DRC9: variants seen among roughly 807,000 people sequenced by gnomAD.
DRC9 encodes the protein dynein regulatory complex protein 9.
At chr3:197,896,134 G>A in the DRC9 span, among the ~76,000 whole-genome samples, 1 of 151,840 alleles carries the variant, frequency 6.6e-6, no homozygotes, top group African/African-American at 2.4e-5. Flanking sequence ...CCTGAGGTTG[G>A]GAGTTTGAGA....
chr3:197,921,343 G>A, the DRC9 span, among the ~76,000 whole-genome samples: 5 of 101,122 alleles, frequency 4.9e-5, 1 homozygote, highest in South Asian at 1.0e-3. Flanking sequence ...CTTCTTGGTC[G>A]ACCCGACTAC....
chr3:197,922,159 G>A, the DRC9 span, among the ~76,000 whole-genome samples: 1 of 152,062 alleles, frequency 6.6e-6, no homozygotes, highest in African/African-American at 2.4e-5. Context: ...GCAGAATCTT[G>A]GTTTCTTAAC....
the DRC9 span, among the ~76,000 whole-genome samples, chr3:197,894,003 G>A: frequency 6.6e-6 from 1 of 152,130 alleles, no homozygotes; most frequent in African/African-American, 2.4e-5. Flanking sequence ...TAAAATGAAA[G>A]AGATATATTA....
At chr3:197,911,141 A>G in the DRC9 span, among the ~76,000 whole-genome samples, 1 of 152,130 alleles carries the variant, frequency 6.6e-6, no homozygotes, top group Admixed American at 6.5e-5. Flanking sequence ...TTGAGTAAAC[A>G]TGTGGAAAAA....
the DRC9 span, among the ~76,000 whole-genome samples, chr3:197,892,925 TG>T: frequency 6.6e-4 from 100 of 152,108 alleles, no homozygotes; most frequent in Admixed American, 2.2e-3. Context: ...TGATTGGGAA[TG>T]GGGGTGAGGG....
the DRC9 span, among the ~76,000 whole-genome samples, chr3:197,892,236 T>C: frequency 5.9e-5 from 9 of 152,298 alleles, no homozygotes; most frequent in African/African-American, 1.7e-4. Context: ...ATTTATTCCA[T>C]AATGAAACCA....
At chr3:197,917,795 A>G in the DRC9 span, among the ~76,000 whole-genome samples, 1 of 150,112 alleles carries the variant, frequency 6.7e-6, no homozygotes, top group Non-Finnish European at 1.5e-5. Flanking sequence ...CAGTGGTGCG[A>G]TCTTGGCTCA....
the DRC9 span, among the ~76,000 whole-genome samples, chr3:197,922,471 C>T: frequency 4.6e-5 from 7 of 151,998 alleles, no homozygotes; most frequent in African/African-American, 9.7e-5. Flanking sequence ...TTTGGGAGGC[C>T]GAGGCGGGTG....
chr3:197,907,311 A>C, the DRC9 span, among the ~76,000 whole-genome samples: 1 of 152,174 alleles, frequency 6.6e-6, no homozygotes, highest in African/African-American at 2.4e-5. Flanking sequence ...CCACTGTGAC[A>C]TTCCTGTCTC....
chr3:197,952,671 T>C, the DRC9 span: 1 of 151,704 alleles, frequency 6.6e-6, no homozygotes, highest in East Asian at 2.0e-4. Flanking sequence ...ATTTTATGTT[T>C]TTAGTAGAAA....
At chr3:197,950,033 T>G in the DRC9 span, 1 of 935,588 alleles carries the variant, frequency 1.1e-6, no homozygotes, top group Non-Finnish European at 1.4e-6. Context: ...ATGAAAGGAC[T>G]TAGGAAAATA....
chr3:197,901,954 A>G, the DRC9 span, among the ~76,000 whole-genome samples: 10 of 152,294 alleles, frequency 6.6e-5, no homozygotes, highest in Middle Eastern at 6.8e-3. This position sits in a 1 kb window ranked among gnomAD's most constrained non-coding sequence, Gnocchi z 4.4. Flanking sequence ...GGTATGACCT[A>G]GCACAGTCCC....
chr3:197,916,002 TAG>T, the DRC9 span, among the ~76,000 whole-genome samples: 5 of 152,164 alleles, frequency 3.3e-5, no homozygotes, highest in Admixed American at 3.3e-4. Flanking sequence ...TTTTTTTGTT[TAG>T]AGACAGGATC....
chr3:197,959,892 G>A, the DRC9 span: 1 of 370,550 alleles, frequency 2.7e-6, no homozygotes, highest in Non-Finnish European at 5.0e-6. Flanking sequence ...AGGGTTGTAT[G>A]TACGTCTAAA....
chr3:197,897,770 CTTT>C, the DRC9 span, among the ~76,000 whole-genome samples: 5 of 126,354 alleles, frequency 4.0e-5, no homozygotes, highest in Non-Finnish European at 3.3e-5. Context: ...AAGCATAAAC[CTTT>C]TTTTTTTTTT....
the DRC9 span, among the ~76,000 whole-genome samples, chr3:197,952,162 G>GTT: frequency 0.016 from 1,364 of 83,874 alleles, 212 homozygotes; most frequent in East Asian, 0.069. Context: ...AAAATTATGG[G>GTT]TTTTTTTTTT....
the DRC9 span, among the ~76,000 whole-genome samples, chr3:197,892,385 TGTCCCC>T: frequency 6.6e-6 from 1 of 152,228 alleles, no homozygotes; most frequent in Non-Finnish European, 1.5e-5. Context: ...CTACTGCAGC[TGTCCCC>T]GTCAGCAGCA....
At chr3:197,926,116 T>A in the DRC9 span, 1 of 1,430,438 alleles carries the variant, frequency 7.0e-7, no homozygotes, top group Non-Finnish European at 9.9e-7. Flanking sequence ...CTAGAAGATA[T>A]AAGAATGATT....
the DRC9 span, among the ~76,000 whole-genome samples, chr3:197,934,183 CTT>C: frequency 4.8e-3 from 482 of 99,428 alleles, 14 homozygotes; most frequent in African/African-American, 0.021. Flanking sequence ...CATTCTGGGT[CTT>C]TTTTTTTTTT....
Sources: allele counts gnomAD v4.1 joint callset (sites outside exome capture counted in the v4.1 genomes callset), GRCh38; gene constraint gnomAD v4.1.1; non-coding constraint Gnocchi (gnomAD v3.1); transcripts MANE v1.5; gene names NCBI Gene and HGNC (gene_info 2026-07-23, HGNC 2026-07-21).